The following OR2C1 variants were observed in gnomAD, a reference collection of about 807,000 sequenced individuals.
The protein encoded by OR2C1 is olfactory receptor 2C1.
For synonymous variants in OR2C1, 209 were observed against 167.3 expected, an observed-to-expected ratio of 1.25 and a Z score of -1.92; for missense variants, 468 against 388.3, an observed-to-expected ratio of 1.21 and a Z score of -1.73.
At chr16:3,325,614 AAAT>A in the OR2C1 span, among the ~76,000 whole-genome samples, 1 of 151,370 alleles carries the variant, frequency 6.6e-6, no homozygotes, top group African/African-American at 2.4e-5. Context: ...AATTCATAAA[AAAT>A]ACAATATCTG....
the OR2C1 span, among the ~76,000 whole-genome samples, chr16:3,338,099 G>A: frequency 6.6e-6 from 1 of 152,160 alleles, no homozygotes; most frequent in South Asian, 2.1e-4. Context: ...TCCCAGTAGT[G>A]TGGGAAGGCT....
the OR2C1 span, among the ~76,000 whole-genome samples, chr16:3,337,334 T>C: frequency 3.3e-5 from 5 of 151,480 alleles, no homozygotes; most frequent in Admixed American, 3.3e-4. Flanking sequence ...TTTTAATTTT[T>C]TTGTTTGTAT....
the OR2C1 span, among the ~76,000 whole-genome samples, chr16:3,328,148 A>T: frequency 2.6e-5 from 4 of 152,066 alleles, no homozygotes; most frequent in Non-Finnish European, 4.4e-5. Context: ...TAGTTACTCT[A>T]TGCTTTAACA....
At chr16:3,328,905 C>G in the OR2C1 span, among the ~76,000 whole-genome samples, 3 of 152,074 alleles carry the variant, frequency 2.0e-5, no homozygotes, top group Non-Finnish European at 4.4e-5. Flanking sequence ...CTTTCCTTCA[C>G]TTACTTTATC....
chr16:3,338,640 C>G, the OR2C1 span, among the ~76,000 whole-genome samples: 1 of 145,308 alleles, frequency 6.9e-6, no homozygotes. Context: ...CGGGTTCACG[C>G]CATTCCCCTT....
chr16:3,347,089 G>C, the OR2C1 span, among the ~76,000 whole-genome samples: 2 of 150,830 alleles, frequency 1.3e-5, no homozygotes, highest in Non-Finnish European at 3.0e-5. Context: ...TACTAAAGAA[G>C]TACAAAAATT....
At chr16:3,337,611 C>T in the OR2C1 span, among the ~76,000 whole-genome samples, 4 of 152,042 alleles carry the variant, frequency 2.6e-5, no homozygotes, top group African/African-American at 9.7e-5. Context: ...TTACCTCAGT[C>T]TTTTTGTTAT....
chr16:3,350,350 C>T, the OR2C1 span, among the ~76,000 whole-genome samples: 1 of 151,288 alleles, frequency 6.6e-6, no homozygotes, highest in Non-Finnish European at 1.5e-5. Context: ...CCACCGCGCC[C>T]AGCCCAAAGG....
chr16:3,352,438 T>C (rs182808198), upstream of OR2C1, among the ~76,000 whole-genome samples: 8 of 152,296 alleles, frequency 5.3e-5, no homozygotes, highest in Admixed American at 3.9e-4. Flanking sequence ...TTTAAACTTA[T>C]GATGTTTTAA....
the OR2C1 span, among the ~76,000 whole-genome samples, chr16:3,346,750 C>G: frequency 6.6e-6 from 1 of 150,786 alleles, no homozygotes; most frequent in Non-Finnish European, 1.5e-5. Flanking sequence ...CTGCCTCAGC[C>G]TCCTGAGCAG....
the OR2C1 span, among the ~76,000 whole-genome samples, chr16:3,325,462 T>A: frequency 0.044 from 188 of 4,264 alleles, 4 homozygotes; most frequent in African/African-American, 0.12. Context: ...TGTCTAAAAA[T>A]ATATATATAT....
chr16:3,330,411 C>T, the OR2C1 span, among the ~76,000 whole-genome samples: 4 of 152,102 alleles, frequency 2.6e-5, no homozygotes, highest in Non-Finnish European at 5.9e-5. Flanking sequence ...CCACCATGCC[C>T]GGCTGATTTT....
the OR2C1 span, among the ~76,000 whole-genome samples, chr16:3,347,799 C>T: frequency 6.6e-6 from 1 of 151,248 alleles, no homozygotes; most frequent in Non-Finnish European, 1.5e-5. Flanking sequence ...CACACATGCA[C>T]ACACGCACGT....
Position 3,356,573 on chromosome 16 carries a change from A to G in OR2C1, c.633A>G (p.Leu211=). The stretch of plus-strand genomic sequence containing the variant: ...GCACCTTCTTCACTGCAGTCCCACT[A>G]AGCATCATCGTGATCTCCTACTGCC... ...GVCTFFTAVP[L]SIIVISYCLI... Residue 211 remains leucine, a synonymous_variant, in exon 1 of 1, where the codon CTA becomes CTG. Transcript: ENST00000304936. 1 of 1,614,156 alleles carries G rather than the reference A, an allele frequency of 6.2e-7. No individual in the cohort carries two copies. Among genetic ancestry groups the G allele is most frequent in the Non-Finnish European group, 8.5e-7 (1 of 1,180,030 alleles).
the OR2C1 span, among the ~76,000 whole-genome samples, chr16:3,335,337 G>C: frequency 6.6e-6 from 1 of 151,958 alleles, no homozygotes; most frequent in Non-Finnish European, 1.5e-5. Context: ...ATTTTTTGGT[G>C]TGTATGCTCT....
the OR2C1 span, among the ~76,000 whole-genome samples, chr16:3,349,472 G>T: frequency 6.6e-6 from 1 of 152,332 alleles, no homozygotes. Context: ...TGTGGCCCCA[G>T]TTCGCGGACA....
At chr16:3,344,089 C>T in the OR2C1 span, among the ~76,000 whole-genome samples, 96 of 151,978 alleles carry the variant, frequency 6.3e-4, no homozygotes, top group African/African-American at 2.2e-3. Context: ...AGTGTGGTGG[C>T]GTGCACCTGT....
chr16:3,352,470 T>C (rs187535823), upstream of OR2C1, among the ~76,000 whole-genome samples: 3 of 152,350 alleles, frequency 2.0e-5, no homozygotes, highest in African/African-American at 7.2e-5. Context: ...TTTAATGTTT[T>C]TAAACTTATG....
the OR2C1 span, among the ~76,000 whole-genome samples, chr16:3,335,548 A>T: frequency 0.037 from 2,428 of 64,850 alleles, 87 homozygotes; most frequent in African/African-American, 0.12. Flanking sequence ...TTTTTTTGAG[A>T]TTGAGTCTCG....
Sources: gnomAD v4.1 joint callset for allele counts (sites outside exome capture counted in the v4.1 genomes callset) on GRCh38, gnomAD v4.1.1 for gene constraint, MANE v1.5 for transcripts, NCBI Gene and HGNC (gene_info 2026-07-23, HGNC 2026-07-21) for gene names.